The following FAM222B variants were observed in gnomAD, a reference collection of about 807,000 sequenced individuals.
The protein encoded by FAM222B is family with sequence similarity 222 member B, also known as protein FAM222B.
FAM222B carries 12 observed loss-of-function variants against 38.0 expected under a neutral mutation model. That is an observed-to-expected ratio of 0.32 (90% CI 0.20 to 0.51). FAM222B has a LOEUF of 0.51. Ranked by LOEUF, FAM222B falls within the 20% of genes least tolerant of loss-of-function variation. The pLI is 0.97. For synonymous variants in FAM222B, 329 were observed against 317.2 expected (o/e 1.04, Z -0.40); for missense variants, 716 against 754.2 (o/e 0.95, Z 0.59).
intron 1 of FAM222B, among the ~76,000 whole-genome samples, chr17:28,805,027 C>T (rs1455901780): frequency 6.6e-6 from 1 of 150,706 alleles, no homozygotes; most frequent in Non-Finnish European, 1.5e-5. Flanking sequence ...GTCTGGGCGA[C>T]AGAGCGAGAC....
chr17:28,770,484 C>T (rs1179624310), intron 1 of FAM222B, among the ~76,000 whole-genome samples: 1 of 152,124 alleles, frequency 6.6e-6, no homozygotes. Context: ...CTCACTGCAA[C>T]CTCCACCTCC....
At chr17:28,780,250 T>G (rs2036108984) in intron 1 of FAM222B, among the ~76,000 whole-genome samples, 1 of 152,086 alleles carries the variant, frequency 6.6e-6, no homozygotes, top group African/African-American at 2.4e-5. Context: ...TTATTCAACA[T>G]AGTACTGTAA....
Position 28,836,773 on chromosome 17 carries a change from G to A in FAM222B, c.-41+5909C>T, listed in dbSNP as rs559984107. 7.2e-5 allele frequency among the ~76,000 whole-genome samples: 11 copies of A among 152,240 alleles called. No individual in the cohort carries two copies. The East Asian group carries it at 1.5e-3, about 21-fold the overall frequency. ...TTAACTACCAGGCCCAGGGTGTGGCGCCGGGCTGTCTACTGGTGGATTTCG... is the reference window on the plus strand; with the variant it reads ...TTAACTACCAGGCCCAGGGTGTGGCACCGGGCTGTCTACTGGTGGATTTCG... On this transcript the variant is annotated intron_variant, in intron 1 of 2. Coordinates refer to ENST00000581407, the MANE Select transcript of FAM222B (RefSeq NM_001077498.3).
At chr17:28,827,652 G>A in intron 1 of FAM222B, among the ~76,000 whole-genome samples, 1 of 152,170 alleles carries the variant, frequency 6.6e-6, no homozygotes, top group East Asian at 1.9e-4. Context: ...TTAATTAGGA[G>A]AGTCTTAGTT....
At chr17:28,810,815 G>A (rs1169525911) in intron 1 of FAM222B, among the ~76,000 whole-genome samples, 3 of 152,122 alleles carry the variant, frequency 2.0e-5, no homozygotes, top group Non-Finnish European at 4.4e-5. Context: ...AGCTGAAATG[G>A]TTTCCTATCC....
intron 1 of FAM222B, among the ~76,000 whole-genome samples, chr17:28,784,207 C>G (rs2036290262): frequency 6.6e-6 from 1 of 152,018 alleles, no homozygotes; most frequent in Admixed American, 6.6e-5. Flanking sequence ...GGCACAGTGG[C>G]TCACATCTGT....
At position 28,835,065 on chromosome 17, in the gene FAM222B, T is replaced by TGTGTGTGTGA. The variant is rs1351454161; in HGVS notation, c.-41+7616_-41+7617insTCACACACAC. On this transcript the variant is annotated intron_variant, in intron 1 of 2. Transcript: ENST00000581407. The stretch of plus-strand genomic sequence containing the variant: ...GTGTGTGTGTGTGTGTGTGTGTGTG[T>TGTGTGTGTGA]GATGGAGTCACGCTCTATCGCCCAG... Among the ~76,000 whole-genome samples, 4 of 128,676 alleles carry TGTGTGTGTGA rather than the reference T, an allele frequency of 3.1e-5. No homozygotes were observed. In the South Asian group the frequency reaches 7.5e-4, roughly 24 times the overall value. 84.4% of individuals were successfully genotyped at this position (128,676 alleles called of 152,430 possible).
In FAM222B at chr17:28,770,454, G is replaced by C. The variant is rs1238558118; in HGVS notation, c.-40-3747C>G. On this transcript the variant is annotated intron_variant, in intron 1 of 2. Transcript: ENST00000581407. ...CAGACAGCCTATCAGCCAGGCTGGA[G>C]TGCAGCAGTGCCATCTTGGCTCACT... 5.3e-5 allele frequency among the ~76,000 whole-genome samples: 8 copies of C among 152,176 alleles called. No homozygotes were observed. The East Asian group carries it at 1.5e-3, about 29-fold the overall frequency.
At chr17:28,779,514 G>A (rs2036065778) in intron 1 of FAM222B, among the ~76,000 whole-genome samples, 1 of 152,104 alleles carries the variant, frequency 6.6e-6, no homozygotes. Context: ...CACTTTGGGA[G>A]GCTGAGGCGG....
intron 1 of FAM222B, among the ~76,000 whole-genome samples, chr17:28,774,458 A>G (rs1251598435): frequency 2.0e-5 from 3 of 152,208 alleles, no homozygotes; most frequent in Admixed American, 6.5e-5. Context: ...CAGGGGGACT[A>G]TGGTATCACA....
intron 1 of FAM222B, among the ~76,000 whole-genome samples, chr17:28,819,062 TA>T (rs1293490261): frequency 6.6e-6 from 1 of 152,190 alleles, no homozygotes; most frequent in Non-Finnish European, 1.5e-5. Flanking sequence ...AAGCAAATTA[TA>T]ACCAACACAG....
upstream of FAM222B, among the ~76,000 whole-genome samples, chr17:28,843,640 G>T (rs920667861): frequency 6.6e-6 from 1 of 151,750 alleles, no homozygotes; most frequent in African/African-American, 2.4e-5. Context: ...TAGAGACGGG[G>T]TTTCACCATG....
chr17:28,781,506 C>T (rs1434391201), intron 1 of FAM222B, among the ~76,000 whole-genome samples: 2 of 151,928 alleles, frequency 1.3e-5, no homozygotes, highest in African/African-American at 4.8e-5. Flanking sequence ...ACAGAACTAC[C>T]ATATGATCCA....
At chr17:28,799,280 T>A in intron 1 of FAM222B, among the ~76,000 whole-genome samples, 1 of 148,292 alleles carries the variant, frequency 6.7e-6, no homozygotes, top group East Asian at 2.0e-4. Flanking sequence ...GCCTCTTGTT[T>A]TTGTAACACA....
chr17:28,812,200 C>T (rs1351033020), intron 1 of FAM222B: 1 of 152,252 alleles, frequency 6.6e-6, no homozygotes, highest in Non-Finnish European at 1.5e-5. Flanking sequence ...AGAAAAAGCA[C>T]ACACACACCT....
intron 1 of FAM222B, among the ~76,000 whole-genome samples, chr17:28,775,315 T>TA (rs1383785378): frequency 6.6e-6 from 1 of 151,992 alleles, no homozygotes; most frequent in Non-Finnish European, 1.5e-5. Context: ...GAGGAGAAGA[T>TA]AAAGTACTGG....
At chr17:28,764,313 C>T (rs1190336576) in intron 2 of FAM222B, among the ~76,000 whole-genome samples, 1 of 148,776 alleles carries the variant, frequency 6.7e-6, no homozygotes, top group Non-Finnish European at 1.5e-5. Flanking sequence ...CATGGTGGCT[C>T]ATGCCTGTAA....
chr17:28,836,011 A>C (rs559517007), intron 1 of FAM222B, among the ~76,000 whole-genome samples: 5 of 150,292 alleles, frequency 3.3e-5, no homozygotes, highest in Non-Finnish European at 7.4e-5. Context: ...TTTTTTTCAG[A>C]GTCTCCCTCT....
intron 1 of FAM222B, among the ~76,000 whole-genome samples, chr17:28,833,940 C>A (rs905449922): frequency 2.0e-5 from 3 of 152,184 alleles, no homozygotes; most frequent in African/African-American, 7.2e-5. Context: ...TTATTTCCTT[C>A]AAATGTAATA....
Sources: allele counts gnomAD v4.1 joint callset (sites outside exome capture counted in the v4.1 genomes callset), GRCh38; gene constraint gnomAD v4.1.1; transcripts MANE v1.5; gene names NCBI Gene and HGNC (gene_info 2026-07-23, HGNC 2026-07-21).